Variants in ZNF461 observed in about 807,000 individuals in gnomAD.
ZNF461 encodes gonadotropin-inducible ovarian transcription factor-1.
In ZNF461, 16 loss-of-function variants were observed where a neutral mutation model predicts 18.3. That is an observed-to-expected ratio of 0.88 (90% CI 0.59 to 1.33). The LOEUF is 1.33. Ranked by LOEUF, ZNF461 falls within the 40% of genes most tolerant of loss-of-function variation. ZNF461 has a pLI of 0.00. For missense variants in ZNF461, 595 were observed against 669.9 expected (o/e 0.89, Z 1.23); for synonymous variants, 179 against 216.9 (o/e 0.83, Z 1.54).
intron 4 of ZNF461, among the ~76,000 whole-genome samples, chr19:36,648,699 C>A (rs1234845053): frequency 6.6e-6 from 1 of 152,166 alleles, no homozygotes; most frequent in Non-Finnish European, 1.5e-5. Flanking sequence ...TGTGCCTCAG[C>A]CTCCCAAGTA....
rs531148893 is a variant in ZNF461 at position 36,642,763 on chromosome 19, G to C, written c.301+1031C>G. 1.1e-4 allele frequency among the ~76,000 whole-genome samples: 17 copies of C among 150,558 alleles called. No homozygotes were observed. The East Asian group carries it at 1.2e-3, about 10-fold the overall frequency. On this transcript the variant is annotated intron_variant, in intron 5 of 5. Coordinates refer to ENST00000588268, the MANE Select transcript of ZNF461 (RefSeq NM_153257.5). Reference sequence around the variant, plus strand: ...TGGTGTGTGTGTGTGTTTTTGGTGGGGGGGGGTGGGGCACAGAGTCTTGCT... The same window carrying C: ...TGGTGTGTGTGTGTGTTTTTGGTGGCGGGGGGTGGGGCACAGAGTCTTGCT...
Position 36,664,618 on chromosome 19 carries a change from C to T in ZNF461, c.9+80G>A, listed in dbSNP as rs2037872895. On this transcript the variant is annotated intron_variant, in intron 2 of 5. Transcript: ENST00000588268. ...CAAAAAAAAAAAAAGCAAATAGTCACATGCCCTATACAAAAAAAACAAAAA... is the reference window on the plus strand; with the variant it reads ...CAAAAAAAAAAAAAGCAAATAGTCATATGCCCTATACAAAAAAAACAAAAA... 1.0e-5 allele frequency: 11 copies of T among 1,105,148 alleles called. No individual in the cohort carries two copies. In the Admixed American group the frequency reaches 2.8e-4, roughly 28 times the overall value. 68.5% of individuals were successfully genotyped at this position (1,105,148 alleles called of 1,614,324 possible). A position where few individuals can be genotyped will look rare whatever the true frequency, so the allele number is the denominator to read the frequency against.
At chr19:36,654,635 G>GGA (rs2037685392) in intron 4 of ZNF461, among the ~76,000 whole-genome samples, 1 of 151,950 alleles carries the variant, frequency 6.6e-6, no homozygotes, top group Admixed American at 6.6e-5. Context: ...GCCACCCAAA[G>GGA]TGCTGGGATT....
chr19:36,642,150 T>C (rs2037436159), intron 5 of ZNF461, among the ~76,000 whole-genome samples: 1 of 152,310 alleles, frequency 6.6e-6, no homozygotes, highest in African/African-American at 2.4e-5. Context: ...CAGGCCGGTC[T>C]TGAACTCCTG....
chr19:36,643,831 A>C lies in ZNF461; in HGVS notation c.264T>G (p.Asn88Lys). ...CTGTAGCCTCATTATTGTCCAAGAA[A>C]TTATTGTGAAATCCCCAAGTTTTCC... Reference protein sequence around the residue: ...GTWKTWGFHNNFLDNNEATDI... With the variant: ...GTWKTWGFHNKFLDNNEATDI... Residue 88 changes from asparagine to lysine, a missense_variant, in exon 5 of 6, where the codon AAT becomes AAG. Asn to Lys is a moderately conservative substitution (Grantham distance 94, BLOSUM62 0). Transcript: ENST00000588268. 1.4e-5 allele frequency: 22 copies of C among 1,541,106 alleles called. No homozygotes were observed. Among genetic ancestry groups the C allele is most frequent in the Non-Finnish European group, 1.8e-5 (21 of 1,141,372 alleles).
Position 36,639,235 on chromosome 19 carries a change from T to G in ZNF461, c.1110A>C (p.Ser370=). ...KECGKTFRHR[S]HLTIHQRIHT... ...GAATTCTCTGATGTATAGTAAGATGTGAGCGATGCCTAAAAGTCTTTCCAC... is the reference window on the plus strand; with the variant it reads ...GAATTCTCTGATGTATAGTAAGATGGGAGCGATGCCTAAAAGTCTTTCCAC... Residue 370 remains serine (S), a synonymous_variant, in exon 6 of 6, where the codon TCA becomes TCC. Coordinates refer to ENST00000588268, the MANE Select transcript of ZNF461 (RefSeq NM_153257.5). 1.9e-6 allele frequency: 3 copies of G among 1,614,138 alleles called. No individual in the cohort carries two copies. The highest frequency in any genetic ancestry group is 2.5e-6 in the Non-Finnish European group (3 of 1,180,018).
rs765234928 is a variant in ZNF461 at position 36,656,443 on chromosome 19, C to T, written c.232+5G>A. On this transcript the variant is annotated splice_donor_5th_base_variant and intron_variant, in intron 4 of 5. Coordinates refer to ENST00000588268, the MANE Select transcript of ZNF461 (RefSeq NM_153257.5). Reference sequence around the variant, plus strand: ...TGCAAGAGCTTCCTGTGCTTGCTCACTCACCTGGGCACCATCTTCCTGTCT... The same window carrying T: ...TGCAAGAGCTTCCTGTGCTTGCTCATTCACCTGGGCACCATCTTCCTGTCT... 1.2e-6 allele frequency: 2 copies of T among 1,613,294 alleles called. No individual in the cohort carries two copies. Among genetic ancestry groups the T allele is most frequent in the Admixed American group, 1.7e-5 (1 of 60,026 alleles).
chr19:36,656,352 G>T, intron 4 of ZNF461, 96 bp downstream of exon 4: 1 of 966,296 alleles, frequency 1.0e-6, no homozygotes, highest in Non-Finnish European at 1.7e-6. Flanking sequence ...TTGAAATCAG[G>T]TTTTCCCAAA....
intron 2 of ZNF461, among the ~76,000 whole-genome samples, chr19:36,663,603 G>A (rs150766199): frequency 2.1e-5 from 3 of 146,242 alleles, no homozygotes; most frequent in East Asian, 2.1e-4. Flanking sequence ...CACTGCAGCC[G>A]CAAACTCCTG....
Position 36,664,802 on chromosome 19 carries a change from G to A in ZNF461, c.-80-16C>T. 4 of 983,932 alleles carry A rather than the reference G, an allele frequency of 4.1e-6. No individual in the cohort carries two copies. The highest frequency in any genetic ancestry group is 5.7e-6 in the Non-Finnish European group (4 of 701,752). 61.0% of individuals were successfully genotyped at this position (983,932 alleles called of 1,614,324 possible). A position where few individuals can be genotyped will look rare whatever the true frequency, so the allele number is the denominator to read the frequency against. On this transcript the variant is annotated splice_polypyrimidine_tract_variant and intron_variant, in intron 1 of 5. Coordinates refer to ENST00000588268, the MANE Select transcript of ZNF461 (RefSeq NM_153257.5). ...GAAGGTGTTGCTGGGAGAGAGGGGA[G>A]TTAAAAAAAAGACAGGAGATTATTG...
At chr19:36,649,819 A>C (rs1461595979) in intron 4 of ZNF461, among the ~76,000 whole-genome samples, 1 of 152,262 alleles carries the variant, frequency 6.6e-6, no homozygotes, top group African/African-American at 2.4e-5. Flanking sequence ...CAACATATAC[A>C]TATATCAAAA....
intron 3 of ZNF461, 111 bp from the exon 4 acceptor site, chr19:36,656,654 A>C (rs911070294): frequency 1.3e-6 from 1 of 765,360 alleles, no homozygotes; most frequent in East Asian, 2.7e-5. Flanking sequence ...GTACTTGATA[A>C]GGGATACAGA....
intron 4 of ZNF461, among the ~76,000 whole-genome samples, chr19:36,654,353 C>T (rs2037679836): frequency 6.6e-6 from 1 of 151,942 alleles, no homozygotes; most frequent in Non-Finnish European, 1.5e-5. Flanking sequence ...TATTCTCTCA[C>T]AGTTCTGTAG....
chr19:36,664,644 C>T, intron 2 of ZNF461, 54 bp downstream of exon 2: 1 of 1,391,826 alleles, frequency 7.2e-7, no homozygotes, highest in Non-Finnish European at 9.5e-7. Context: ...AAAACAAAAA[C>T]AAACAAACAA....
intron 2 of ZNF461, among the ~76,000 whole-genome samples, chr19:36,662,384 GTA>G (rs1568662679): frequency 1.3e-5 from 2 of 151,914 alleles, no homozygotes. Flanking sequence ...AGCCTCCCGA[GTA>G]GCTGGGATTA....
At chr19:36,652,817 C>T (rs2037653138) in intron 4 of ZNF461, among the ~76,000 whole-genome samples, 1 of 152,148 alleles carries the variant, frequency 6.6e-6, no homozygotes, top group Non-Finnish European at 1.5e-5. Flanking sequence ...AGACAAATTA[C>T]AGACTGGGAG....
chr19:36,651,403 T>C (rs888325944), intron 4 of ZNF461, among the ~76,000 whole-genome samples: 1 of 151,678 alleles, frequency 6.6e-6, no homozygotes, highest in African/African-American at 2.4e-5. Context: ...GAAAAAGAAA[T>C]AAAAGGCATA....
At chr19:36,664,570 T>C in intron 2 of ZNF461, 128 bp downstream of exon 2, 1 of 673,542 alleles carries the variant, frequency 1.5e-6, no homozygotes, top group South Asian at 3.1e-5. Flanking sequence ...CCTTCCCACC[T>C]GGGAGACAGC....
At chr19:36,657,671 G>C (rs1187614468) in intron 3 of ZNF461, 1 of 146,910 alleles carries the variant, frequency 6.8e-6, no homozygotes, top group South Asian at 2.2e-4. Context: ...ACAGCTACTC[G>C]GGAGGCTGAG....
Sources: allele counts gnomAD v4.1 joint callset (sites outside exome capture counted in the v4.1 genomes callset), GRCh38; gene constraint gnomAD v4.1.1; transcripts MANE v1.5; gene names NCBI Gene and HGNC (gene_info 2026-07-23, HGNC 2026-07-21).